EPB41L3: variants seen among roughly 807,000 people sequenced by gnomAD.
The protein encoded by EPB41L3 is erythrocyte membrane protein band 4.1 like 3, also known as band 4.1-like protein 3.
In EPB41L3, 57 loss-of-function variants were observed where a neutral mutation model predicts 127.1. The ratio of observed to expected loss-of-function variants is 0.45; its 90% CI spans 0.36 to 0.56. EPB41L3 has a LOEUF of 0.56. EPB41L3 is among the 20% of genes least tolerant of loss of function. The probability of loss-of-function intolerance (pLI) is 0.00; values close to 1 mark genes in which losing one functional copy is unlikely to be tolerated. For missense variants in EPB41L3, 1,273 were observed against 1,372.2 expected (o/e 0.93, Z 1.14); for synonymous variants, 572 against 549.5 (o/e 1.04, Z -0.57).
intron 1 of EPB41L3, among the ~76,000 whole-genome samples, chr18:5,520,557 T>TAA (rs11339935): frequency 2.6e-4 from 27 of 105,186 alleles, no homozygotes; most frequent in Non-Finnish European, 3.9e-4. Flanking sequence ...TTTCCCAAAA[T>TAA]AAAAAAAAAA....
intron 3 of EPB41L3, among the ~76,000 whole-genome samples, chr18:5,454,456 C>T (rs999159658): frequency 2.0e-5 from 3 of 152,062 alleles, no homozygotes; most frequent in Non-Finnish European, 4.4e-5. Flanking sequence ...GTCCATTATC[C>T]ACATCACTAC....
chr18:5,614,778 G>A (rs1220658977), intron 1 of EPB41L3, among the ~76,000 whole-genome samples: 2 of 152,186 alleles, frequency 1.3e-5, no homozygotes, highest in East Asian at 3.8e-4. Context: ...TAACTTTAGT[G>A]TCAGCAAGAT....
intron 3 of EPB41L3, among the ~76,000 whole-genome samples, chr18:5,569,221 T>C (rs1325802506): frequency 6.6e-6 from 1 of 152,238 alleles, no homozygotes; most frequent in Non-Finnish European, 1.5e-5. Context: ...TTTAGTTAGA[T>C]GGCTGCATCT....
intron 2 of EPB41L3, among the ~76,000 whole-genome samples, chr18:5,488,009 G>A (rs748876444): frequency 4.6e-5 from 7 of 151,918 alleles, no homozygotes; most frequent in South Asian, 4.2e-4. Flanking sequence ...CATACAAATC[G>A]GCACTCTAAA....
At chr18:5,476,176 C>A (rs1309132897) in intron 3 of EPB41L3, among the ~76,000 whole-genome samples, 1 of 152,130 alleles carries the variant, frequency 6.6e-6, no homozygotes, top group Non-Finnish European at 1.5e-5. Context: ...GTCCAAATTT[C>A]TCCATCTTCT....
At chr18:5,394,165 AAAACT>A (rs1383404796) in intron 22 of EPB41L3, 1 of 152,854 alleles carries the variant, frequency 6.5e-6, no homozygotes, top group Non-Finnish European at 1.5e-5. Flanking sequence ...TTAAAAAAAC[AAAACT>A]AAAGACAAAA....
At chr18:5,517,666 G>A (rs1259372928) in intron 1 of EPB41L3, among the ~76,000 whole-genome samples, 2 of 152,042 alleles carry the variant, frequency 1.3e-5, no homozygotes, top group African/African-American at 2.4e-5. Context: ...TCGAACTCCT[G>A]ACCTCAAGCA....
At chr18:5,496,149 G>C (rs1237501300) in intron 1 of EPB41L3, among the ~76,000 whole-genome samples, 2 of 152,214 alleles carry the variant, frequency 1.3e-5, no homozygotes, top group African/African-American at 2.4e-5. Flanking sequence ...TCTGCAGTAA[G>C]CTTTTAGCTT....
intron 9 of EPB41L3, among the ~76,000 whole-genome samples, chr18:5,426,300 C>T (rs1030322398): frequency 6.6e-5 from 10 of 152,168 alleles, no homozygotes; most frequent in African/African-American, 2.4e-4. Flanking sequence ...AATTTTCCCC[C>T]TTTTCCCTCC....
At chr18:5,467,801 T>C (rs1372711163) in intron 3 of EPB41L3, among the ~76,000 whole-genome samples, 2 of 152,172 alleles carry the variant, frequency 1.3e-5, no homozygotes, top group Non-Finnish European at 2.9e-5. Context: ...GTGGCCTGAC[T>C]GGAGTGGCCG....
At chr18:5,566,753 T>TTCC (rs2094207546) in intron 3 of EPB41L3, among the ~76,000 whole-genome samples, 1 of 137,700 alleles carries the variant, frequency 7.3e-6, no homozygotes, top group East Asian at 2.3e-4. Flanking sequence ...TATTCTATTC[T>TTCC]ATTCTATTCT....
At chr18:5,417,222 T>C (rs1321153233) in intron 12 of EPB41L3, among the ~76,000 whole-genome samples, 1 of 152,226 alleles carries the variant, frequency 6.6e-6, no homozygotes, top group African/African-American at 2.4e-5. Context: ...TGATTTTTCT[T>C]AGCAGATAAA....
At chr18:5,400,460 T>G (rs762147702) in intron 16 of EPB41L3, 13 of 454,606 alleles carry the variant, frequency 2.9e-5, no homozygotes, top group Middle Eastern at 3.2e-4. Context: ...ATCTACATGT[T>G]GTTGCTAGAT....
At chr18:5,469,796 T>C (rs12455661) in intron 3 of EPB41L3, among the ~76,000 whole-genome samples, 59,235 of 147,698 alleles carry the variant, frequency 0.4, 12,559 homozygotes, top group East Asian at 0.72. Context: ...TTTTTTGAGA[T>C]GGAGTCTTGC....
At chr18:5,608,964 T>C (rs2094694878) in intron 3 of EPB41L3, among the ~76,000 whole-genome samples, 1 of 152,186 alleles carries the variant, frequency 6.6e-6, no homozygotes, top group Admixed American at 6.5e-5. Context: ...AAGATAAAGA[T>C]TCCCAAATTA....
At chr18:5,481,394 C>T (rs560529383) in intron 2 of EPB41L3, among the ~76,000 whole-genome samples, 4 of 152,302 alleles carry the variant, frequency 2.6e-5, no homozygotes, top group South Asian at 4.1e-4. Flanking sequence ...CTTCCATAGT[C>T]ATGATGCCCC....
chr18:5,544,863 A>G (rs549461006), upstream of EPB41L3, among the ~76,000 whole-genome samples: 20 of 152,316 alleles, frequency 1.3e-4, no homozygotes, highest in East Asian at 3.9e-3. Flanking sequence ...TGATTATTAC[A>G]CATTGCATGC....
chr18:5,410,308 T>A (rs2076042058), intron 14 of EPB41L3, among the ~76,000 whole-genome samples: 1 of 152,152 alleles, frequency 6.6e-6, no homozygotes, highest in South Asian at 2.1e-4. Context: ...GGGAACTTGT[T>A]AGAAATATAA....
intron 1 of EPB41L3, among the ~76,000 whole-genome samples, chr18:5,623,053 T>C (rs1034474413): frequency 1.3e-5 from 2 of 149,982 alleles, no homozygotes; most frequent in African/African-American, 4.9e-5. Context: ...CTGACGTCAT[T>C]AAATTTTTTT....
Sources: gnomAD v4.1 joint callset for allele counts (sites outside exome capture counted in the v4.1 genomes callset) on GRCh38, gnomAD v4.1.1 for gene constraint, MANE v1.5 for transcripts, NCBI Gene and HGNC (gene_info 2026-07-23, HGNC 2026-07-21) for gene names.